RIN3: variants seen among roughly 807,000 people sequenced by gnomAD.
RIN3 encodes RAB5 interacting protein 3.
RIN3 carries 54 observed loss-of-function variants against 76.3 expected under a neutral mutation model. The ratio of observed to expected loss-of-function variants is 0.71; its 90% CI spans 0.57 to 0.89. The LOEUF is 0.89. Ranked by LOEUF, RIN3 falls within the 40% of genes least tolerant of loss-of-function variation. RIN3 has a pLI of 0.00. For synonymous variants in RIN3, 576 were observed against 564.0 expected, an observed-to-expected ratio of 1.02 and a Z score of -0.30; for missense variants, 1,256 against 1,322.1, an observed-to-expected ratio of 0.95 and a Z score of 0.78.
chr14:92,518,731 C>T (rs1896512016), intron 1 of RIN3, among the ~76,000 whole-genome samples: 1 of 151,410 alleles, frequency 6.6e-6, no homozygotes, highest in Non-Finnish European at 1.5e-5. Context: ...CCTGGGGCAT[C>T]AGTGGGTCCC....
chr14:92,661,747 ACACACACACAC>A (rs1887890688), intron 7 of RIN3, among the ~76,000 whole-genome samples: 1 of 137,792 alleles, frequency 7.3e-6, no homozygotes, highest in Admixed American at 7.3e-5. Flanking sequence ...ACACACACAC[ACACACACACAC>A]AAAAAATAGA....
chr14:92,565,629 A>T (rs1897897153), intron 2 of RIN3, among the ~76,000 whole-genome samples: 1 of 152,206 alleles, frequency 6.6e-6, no homozygotes, highest in African/African-American at 2.4e-5. Context: ...TAACTTCTTT[A>T]CTGCCATGGC....
intron 4 of RIN3, 34 bp from the exon 5 acceptor site, chr14:92,641,204 C>G (rs1361332097): frequency 6.6e-7 from 1 of 1,504,654 alleles, no homozygotes; most frequent in African/African-American, 1.4e-5. Flanking sequence ...CACGGTGGAC[C>G]CAGACATGAC....
chr14:92,551,500 T>C (rs778396167), intron 1 of RIN3, among the ~76,000 whole-genome samples: 2 of 152,122 alleles, frequency 1.3e-5, no homozygotes, highest in African/African-American at 2.4e-5. Flanking sequence ...GGTAGGTATA[T>C]GTTTAGGTTT....
rs576683908 is a variant in RIN3, at chr14:92,537,634, C to CTTTTTT, written c.45-18095_45-18090dup. ...CAGCTATAAGTGAGTGCCTTAGGGA[C>CTTTTTT]TTTTTTTTTTTTTTTTTTTTTTTTT... is the stretch of plus-strand genomic sequence containing the variant. On this transcript the variant is annotated intron_variant, in intron 1 of 9. Transcript: ENST00000216487. Among the ~76,000 whole-genome samples the CTTTTTT allele has an allele frequency of 3.9e-4, 20 of 51,636 alleles. 2 individuals carry two copies. The highest frequency in any genetic ancestry group is 9.7e-4 in the South Asian group (1 of 1,036). 33.9% of individuals were successfully genotyped at this position (51,636 alleles called of 152,430 possible). A position where few individuals can be genotyped will look rare whatever the true frequency, so the allele number is the denominator to read the frequency against.
At chr14:92,679,075 C>T (rs545981343) in intron 8 of RIN3, among the ~76,000 whole-genome samples, 5 of 152,316 alleles carry the variant, frequency 3.3e-5, no homozygotes, top group African/African-American at 9.6e-5. Flanking sequence ...GAGAAGTTCT[C>T]GAGGCCAGAG....
intron 1 of RIN3, among the ~76,000 whole-genome samples, chr14:92,554,430 G>A (rs1897521519): frequency 1.3e-5 from 2 of 152,164 alleles, no homozygotes; most frequent in Admixed American, 6.5e-5. Context: ...ACCGTGCTGT[G>A]TTGACTCATC....
intron 7 of RIN3, 142 bp from the exon 8 acceptor site, chr14:92,676,333 G>A (rs879342699): frequency 1.0e-6 from 1 of 977,446 alleles, no homozygotes; most frequent in South Asian, 1.6e-5. Context: ...TCTCTGTCCT[G>A]AGAGTCATGA....
intron 4 of RIN3, among the ~76,000 whole-genome samples, chr14:92,639,522 C>T (rs1164466264): frequency 2.0e-5 from 3 of 152,116 alleles, no homozygotes; most frequent in East Asian, 1.9e-4. Context: ...GAAAGGGGGT[C>T]CCCAGGCCTT....
rs74072950 is a variant in RIN3, at chr14:92,555,070, G to T, written c.45-681G>T. Among the ~76,000 whole-genome samples the T allele has an allele frequency of 9.3e-3, 1,412 of 152,296 alleles. 20 individuals are homozygous for T. The highest frequency in any genetic ancestry group is 0.032 in the African/African-American group (1,336 of 41,552). On this transcript the variant is annotated intron_variant, in intron 1 of 9. Coordinates refer to ENST00000216487, the MANE Select transcript of RIN3 (RefSeq NM_024832.5). ...CAAGCCACTTCTGGCTAGTGGCTAC[G>T]GCAGCACAGATCTCTCTATCTTGAT...
At chr14:92,633,216 A>G (rs1326002503) in intron 4 of RIN3, among the ~76,000 whole-genome samples, 1 of 152,028 alleles carries the variant, frequency 6.6e-6, no homozygotes, top group Middle Eastern at 3.2e-3. Flanking sequence ...AACATGCATG[A>G]TGGTTTCCTG....
At chr14:92,590,694 G>T (rs1378021056) in intron 3 of RIN3, among the ~76,000 whole-genome samples, 2 of 152,066 alleles carry the variant, frequency 1.3e-5, no homozygotes, top group Admixed American at 6.6e-5. Flanking sequence ...AGCCTAACCT[G>T]CCTGGGAAAG....
At chr14:92,574,252 A>G (rs1385318809) in intron 2 of RIN3, among the ~76,000 whole-genome samples, 1 of 152,230 alleles carries the variant, frequency 6.6e-6, no homozygotes, top group Non-Finnish European at 1.5e-5. Context: ...GAGCTTGAGG[A>G]GGCAGTATCT....
chr14:92,585,883 G>C (rs191117957), intron 3 of RIN3, among the ~76,000 whole-genome samples: 47 of 152,328 alleles, frequency 3.1e-4, no homozygotes, highest in African/African-American at 1.0e-3. Context: ...GATTGGTGTC[G>C]AGAAGGCAGC....
chr14:92,688,192 TGGCGGC>T lies in RIN3; in HGVS notation c.2910_2915del (p.Gly971_Gly972del), dbSNP rs68153141. Reference sequence around the variant, plus strand: ...TTGTCTACCGGCCCCTGGACGGTGGTGGCGGCGGCGGCGGCGGGAGCCCGCCCTGCC... The same window carrying T: ...TTGTCTACCGGCCCCTGGACGGTGGTGGCGGCGGCGGGAGCCCGCCCTGCC... On this transcript the variant is annotated inframe_deletion, in exon 10 of 10. Coordinates refer to ENST00000216487, the MANE Select transcript of RIN3 (RefSeq NM_024832.5). 2.0e-5 allele frequency: 32 copies of T among 1,598,972 alleles called. No individual in the cohort carries two copies. Among genetic ancestry groups the T allele is most frequent in the African/African-American group, 4.0e-5 (3 of 74,388 alleles).
chr14:92,649,167 G>A (rs1255301896), intron 5 of RIN3, among the ~76,000 whole-genome samples: 1 of 152,220 alleles, frequency 6.6e-6, no homozygotes. Context: ...GAGTAGAGGG[G>A]GCGGCTACAG....
chr14:92,589,775 G>A (rs1595439106), intron 3 of RIN3, among the ~76,000 whole-genome samples: 3 of 152,168 alleles, frequency 2.0e-5, no homozygotes, highest in South Asian at 2.1e-4. Context: ...CCCATGTGAC[G>A]TGGGTGTTCA....
At chr14:92,536,380 G>A (rs1896999936) in intron 1 of RIN3, among the ~76,000 whole-genome samples, 1 of 152,144 alleles carries the variant, frequency 6.6e-6, no homozygotes, top group African/African-American at 2.4e-5. Flanking sequence ...GATGTGTAAT[G>A]TTTATATCAT....
intron 2 of RIN3, among the ~76,000 whole-genome samples, chr14:92,565,510 TAG>T (rs1316592112): frequency 1.3e-5 from 2 of 152,162 alleles, no homozygotes; most frequent in Non-Finnish European, 2.9e-5. Flanking sequence ...TGAATATACT[TAG>T]AGTTATTTCT....
Sources: allele counts gnomAD v4.1 joint callset (sites outside exome capture counted in the v4.1 genomes callset), GRCh38; gene constraint gnomAD v4.1.1; transcripts MANE v1.5; gene names NCBI Gene and HGNC (gene_info 2026-07-23, HGNC 2026-07-21).